The following NELL1 variants were observed in gnomAD, a reference collection of about 807,000 sequenced individuals.
The protein encoded by NELL1 is protein kinase C-binding protein NELL1.
In NELL1, 76 loss-of-function variants were observed where a neutral mutation model predicts 107.4. The observed-to-expected ratio is 0.71, with a 90% CI of 0.59 to 0.86. NELL1 has a LOEUF of 0.86. Among genes scored for constraint, NELL1 ranks in the 40% least tolerant of loss-of-function variants. NELL1 has a pLI of 0.00. For synonymous variants in NELL1, 353 were observed against 341.2 expected (o/e 1.03, Z -0.38); for missense variants, 1,024 against 1,005.5 (o/e 1.02, Z -0.25).
rs183658392 is a variant in NELL1, at chr11:21,048,054, T to C, written c.1301-65535T>C. 1.3e-3 allele frequency among the ~76,000 whole-genome samples: 195 copies of C among 152,302 alleles called. 4 individuals are homozygous for C. The South Asian group carries it at 0.014, about 11-fold the overall frequency. On this transcript the variant is annotated intron_variant, in intron 12 of 19. Coordinates refer to ENST00000357134, the MANE Select transcript of NELL1 (RefSeq NM_006157.5). ...ATAAGGCATTTCTTGTACAGTTGGG[T>C]ACTACTTTCTGTGTTCTGTTTCTGA...
chr11:21,342,413 G>GC (rs1555007304), intron 14 of NELL1, among the ~76,000 whole-genome samples: 30 of 146,562 alleles, frequency 2.0e-4, no homozygotes, highest in Non-Finnish European at 3.3e-4. Context: ...GGCTTAAGTG[G>GC]GGGGGGGGGT....
chr11:20,817,964 T>C (rs1857659508), intron 3 of NELL1, among the ~76,000 whole-genome samples: 1 of 152,146 alleles, frequency 6.6e-6, no homozygotes, highest in Admixed American at 6.5e-5. Flanking sequence ...TTTATTTCAC[T>C]GTGGTCCGAG....
At chr11:20,775,609 G>T (rs1194426112) in intron 2 of NELL1, among the ~76,000 whole-genome samples, 4 of 152,184 alleles carry the variant, frequency 2.6e-5, no homozygotes, top group Non-Finnish European at 4.4e-5. Flanking sequence ...GGGGGATGGG[G>T]ATAAGGGGAC....
At chr11:21,308,562 T>A (rs1405589783) in intron 14 of NELL1, among the ~76,000 whole-genome samples, 1 of 152,100 alleles carries the variant, frequency 6.6e-6, no homozygotes, top group East Asian at 1.9e-4. Flanking sequence ...ATGGTTTAAT[T>A]TCCAAGATTA....
chr11:21,282,980 T>C (rs886189027), intron 14 of NELL1, among the ~76,000 whole-genome samples: 6 of 151,964 alleles, frequency 3.9e-5, no homozygotes, highest in Admixed American at 6.6e-5. Context: ...ATTCAAATAA[T>C]TGGACTCATG....
At chr11:20,876,493 C>T (rs914030914) in intron 4 of NELL1, among the ~76,000 whole-genome samples, 3 of 152,128 alleles carry the variant, frequency 2.0e-5, no homozygotes, top group Non-Finnish European at 2.9e-5. Flanking sequence ...TCGCCGGGCA[C>T]GGTGGCTCAT....
intron 14 of NELL1, among the ~76,000 whole-genome samples, chr11:21,293,446 G>A (rs1482117005): frequency 1.3e-5 from 2 of 152,184 alleles, no homozygotes; most frequent in Admixed American, 1.3e-4. Context: ...TGCTGGAGAG[G>A]ATGTGGAGAA....
At chr11:21,450,613 A>G (rs936640602) in intron 15 of NELL1, among the ~76,000 whole-genome samples, 1 of 152,330 alleles carries the variant, frequency 6.6e-6, no homozygotes, top group South Asian at 2.1e-4. Context: ...ATACTGTTGC[A>G]CAAAGTTATT....
chr11:21,562,946 A>G (rs141913889), intron 17 of NELL1, among the ~76,000 whole-genome samples: 186 of 152,200 alleles, frequency 1.2e-3, no homozygotes, highest in Admixed American at 3.1e-3. Context: ...AGATGAATAG[A>G]GTTCAATGAT....
At chr11:20,699,992 T>C (rs1012599173) in intron 2 of NELL1, among the ~76,000 whole-genome samples, 1 of 151,990 alleles carries the variant, frequency 6.6e-6, no homozygotes, top group Non-Finnish European at 1.5e-5. Flanking sequence ...AGTAAGGTGG[T>C]ATCTCATTGT....
At chr11:21,144,305 C>A (rs938480347) in intron 13 of NELL1, among the ~76,000 whole-genome samples, 1 of 152,064 alleles carries the variant, frequency 6.6e-6, no homozygotes, top group Non-Finnish European at 1.5e-5. Context: ...AGAAGTAAAC[C>A]ACTGTTTTTC....
intron 12 of NELL1, among the ~76,000 whole-genome samples, chr11:21,001,753 G>A (rs1056196107): frequency 4.6e-5 from 7 of 151,448 alleles, no homozygotes; most frequent in Non-Finnish European, 8.8e-5. Context: ...TTGGAAGGGG[G>A]AGAGGTGGAT....
chr11:21,323,433 G>T (rs1444742841), intron 14 of NELL1, among the ~76,000 whole-genome samples: 1 of 152,120 alleles, frequency 6.6e-6, no homozygotes, highest in Non-Finnish European at 1.5e-5. Context: ...AATTTCTGGT[G>T]TTCTCTTCTG....
chr11:21,100,264 C>T (rs115650710), intron 12 of NELL1, among the ~76,000 whole-genome samples: 1,772 of 152,284 alleles, frequency 0.012, 31 homozygotes, highest in African/African-American at 0.04. Context: ...GCAATCCTCC[C>T]GCCTAGGCTT....
intron 12 of NELL1, among the ~76,000 whole-genome samples, chr11:21,065,755 G>A: frequency 6.6e-6 from 1 of 152,248 alleles, no homozygotes; most frequent in Middle Eastern, 3.4e-3. Flanking sequence ...GCAAAGAAAT[G>A]TCTTTTCTGT....
At chr11:21,187,113 CT>C (rs779747914) in intron 13 of NELL1, among the ~76,000 whole-genome samples, 1 of 151,398 alleles carries the variant, frequency 6.6e-6, no homozygotes, top group African/African-American at 2.4e-5. Flanking sequence ...ATTTAAAAGT[CT>C]TTTTTTTGTC....
intron 14 of NELL1, among the ~76,000 whole-genome samples, chr11:21,330,874 G>T (rs1235089347): frequency 2.0e-5 from 3 of 151,770 alleles, no homozygotes; most frequent in Admixed American, 6.6e-5. Flanking sequence ...ATTAATGGTG[G>T]TCTTCATATC....
chr11:20,946,788 C>T (rs946839689), intron 10 of NELL1, among the ~76,000 whole-genome samples: 4 of 152,074 alleles, frequency 2.6e-5, no homozygotes, highest in Non-Finnish European at 5.9e-5. Context: ...TTTGTGGTTT[C>T]TAGTTTATGA....
intron 3 of NELL1, among the ~76,000 whole-genome samples, chr11:20,829,893 T>A (rs2134035444): frequency 6.6e-6 from 1 of 152,298 alleles, no homozygotes; most frequent in East Asian, 1.9e-4. Flanking sequence ...GATGATATTA[T>A]CCTTGATTGC....
Sources: allele counts gnomAD v4.1 joint callset (sites outside exome capture counted in the v4.1 genomes callset), GRCh38; gene constraint gnomAD v4.1.1; transcripts MANE v1.5; gene names NCBI Gene and HGNC (gene_info 2026-07-23, HGNC 2026-07-21).